Variants in ADCY1 observed in about 807,000 individuals in gnomAD.
ADCY1 encodes the protein adenylate cyclase type 1.
In ADCY1, 28 loss-of-function variants were observed where a neutral mutation model predicts 105.4. The ratio of observed to expected loss-of-function variants is 0.27; its 90% CI spans 0.20 to 0.36. The LOEUF is 0.36. Among genes scored for constraint, ADCY1 ranks in the 10% least tolerant of loss-of-function variants. ADCY1 has a pLI of 1.00. For synonymous variants in ADCY1, 655 were observed against 623.8 expected, an observed-to-expected ratio of 1.05 and a Z score of -0.75; for missense variants, 977 against 1,434.2, an observed-to-expected ratio of 0.68 and a Z score of 5.15.
intron 8 of ADCY1, among the ~76,000 whole-genome samples, 155 bp from the exon 9 acceptor site, chr7:45,677,714 C>T (rs1160699408): frequency 6.6e-6 from 1 of 152,218 alleles, no homozygotes; most frequent in African/African-American, 2.4e-5. Flanking sequence ...CACCTGCCAT[C>T]TCACCACCAG....
Position 45,627,305 on chromosome 7 carries a change from G to A in ADCY1, c.1020+4562G>A, listed in dbSNP as rs146383971. Among the ~76,000 whole-genome samples the A allele has an allele frequency of 1.7e-3, 259 of 152,262 alleles. 1 individual carries two copies. Among genetic ancestry groups the A allele is most frequent in the African/African-American group, 6.0e-3 (248 of 41,562 alleles). ...CTACTCATCCTTGAAAGCCCCAAAG[G>A]CCATCTTTTCTCTAGGTCTCTGCCC... On this transcript the variant is annotated intron_variant, in intron 4 of 19. Coordinates refer to ENST00000297323, the MANE Select transcript of ADCY1 (RefSeq NM_021116.4).
chr7:45,617,960 C>T (rs1246853145), intron 3 of ADCY1, among the ~76,000 whole-genome samples: 1 of 152,218 alleles, frequency 6.6e-6, no homozygotes, highest in African/African-American at 2.4e-5. Flanking sequence ...GGAGGCATTA[C>T]ATTACCTGGC....
intron 4 of ADCY1, among the ~76,000 whole-genome samples, chr7:45,631,932 T>C (rs1049230482): frequency 6.6e-6 from 1 of 152,240 alleles, no homozygotes; most frequent in Non-Finnish European, 1.5e-5. Flanking sequence ...AGGGGTTTTA[T>C]AGTTTGAGGT....
rs369945933 is a variant in ADCY1, at chr7:45,714,166, C to T, written c.*171C>T. 3.8e-5 allele frequency: 23 copies of T among 598,498 alleles called. No homozygotes were observed. The highest frequency in any genetic ancestry group is 6.1e-5 in the South Asian group (3 of 49,548). The allele number at this position is 598,498 out of a possible 1,614,324, so 37.1% of individuals were successfully genotyped here. On this transcript the variant is annotated 3_prime_UTR_variant, in exon 20 of 20. Coordinates refer to ENST00000297323, the MANE Select transcript of ADCY1 (RefSeq NM_021116.4). The stretch of plus-strand genomic sequence containing the variant: ...GGCCTGTGGCCCGAGGGCCAACCAC[C>T]GAGCAGGCACAGCACAGCAGTGACT...
intron 7 of ADCY1, among the ~76,000 whole-genome samples, chr7:45,660,732 T>G (rs2461133): frequency 7.3e-6 from 1 of 137,838 alleles, no homozygotes; most frequent in Non-Finnish European, 1.6e-5. Flanking sequence ...ACAGGTGAGG[T>G]GTTCAGGGCT....
rs1226785340 is a variant in ADCY1 at position 45,649,961 on chromosome 7, C to CA, written c.1148+1165dup. Reference sequence around the variant, plus strand: ...ACAGCCTAACAGAGAGCCATTGCCCCAGAGAAAAGCAGCCTGGCTGGAGGA... The same window carrying CA: ...ACAGCCTAACAGAGAGCCATTGCCCCAAGAGAAAAGCAGCCTGGCTGGAGGA... On this transcript the variant is annotated intron_variant, in intron 5 of 19. Coordinates refer to ENST00000297323, the MANE Select transcript of ADCY1 (RefSeq NM_021116.4). Among the ~76,000 whole-genome samples, 18 of 152,252 alleles carry CA rather than the reference C, an allele frequency of 1.2e-4. 1 individual carries two copies. In the South Asian group the frequency reaches 3.1e-3, roughly 26 times the overall value.
rs1562737605 is a variant in ADCY1 at position 45,714,622 on chromosome 7, CT to C, written c.*628del. 1 of 152,800 alleles carries C rather than the reference CT, an allele frequency of 6.5e-6. No homozygotes were observed. The highest frequency in any genetic ancestry group is 2.4e-5 in the African/African-American group (1 of 41,468). The allele number at this position is 152,800 out of a possible 1,614,324, so 9.5% of individuals were successfully genotyped here. A position where few individuals can be genotyped will look rare whatever the true frequency, so the allele number is the denominator to read the frequency against. On this transcript the variant is annotated 3_prime_UTR_variant, in exon 20 of 20. Coordinates refer to ENST00000297323, the MANE Select transcript of ADCY1 (RefSeq NM_021116.4). ...TCTGGGGAGAATTGAGAAGCTGCCT[CT>C]CACTGCATGGATAGTGGTGGCTGCT... is the stretch of plus-strand genomic sequence containing the variant.
At chr7:45,652,029 T>TG (rs1794824533) in intron 5 of ADCY1, among the ~76,000 whole-genome samples, 1 of 152,202 alleles carries the variant, frequency 6.6e-6, no homozygotes, top group Non-Finnish European at 1.5e-5. Flanking sequence ...GAGGCATGGC[T>TG]GGGAGGCCTC....
chr7:45,648,844 A>C (rs763616744), intron 5 of ADCY1, 47 bp downstream of exon 5: 4 of 1,601,384 alleles, frequency 2.5e-6, no homozygotes, highest in Non-Finnish European at 3.4e-6. Context: ...GCATCTACAC[A>C]TTGAAATCCT....
At chr7:45,599,946 C>G (rs11762524) in intron 2 of ADCY1, among the ~76,000 whole-genome samples, 36,979 of 152,238 alleles carry the variant, frequency 0.24, 5,398 homozygotes, top group East Asian at 0.48. Context: ...TGTCTTTTTC[C>G]TACTTTGTTT....
At chr7:45,612,722 C>T (rs1350960997) in intron 3 of ADCY1, among the ~76,000 whole-genome samples, 2 of 152,344 alleles carry the variant, frequency 1.3e-5, no homozygotes, top group Non-Finnish European at 2.9e-5. Flanking sequence ...AGTGTGACCA[C>T]TGCCCCAACT....
intron 17 of ADCY1, among the ~76,000 whole-genome samples, 153 bp downstream of exon 17, chr7:45,704,769 CT>C (rs1785076979): frequency 6.6e-6 from 1 of 152,134 alleles, no homozygotes; most frequent in Non-Finnish European, 1.5e-5. Flanking sequence ...CCGTGGCTGG[CT>C]CTCTCCAGAC....
At position 45,673,692 on chromosome 7, in the gene ADCY1, T is replaced by C. The variant is rs114090230; in HGVS notation, c.1606-4177T>C. Among the ~76,000 whole-genome samples, 932 of 152,102 alleles carry C rather than the reference T, an allele frequency of 6.1e-3. 9 individuals carry two copies. The highest frequency in any genetic ancestry group is 0.022 in the African/African-American group (897 of 41,550). ...GGCTTGCAGTGATTTGCCAACTTGA[T>C]TGATAATTTTCAAAGAACCAACTTT... On this transcript the variant is annotated intron_variant, in intron 8 of 19. Transcript: ENST00000297323.
chr7:45,610,736 G>A (rs1288401109), intron 3 of ADCY1, among the ~76,000 whole-genome samples: 15 of 101,154 alleles, frequency 1.5e-4, no homozygotes, highest in East Asian at 5.9e-4. Context: ...GATAGTGGAG[G>A]TGGGGAGGTG....
chr7:45,666,433 G>A (rs901685971), intron 8 of ADCY1, among the ~76,000 whole-genome samples: 30 of 152,258 alleles, frequency 2.0e-4, no homozygotes, highest in Admixed American at 9.8e-4. Flanking sequence ...ATGGTTTCCA[G>A]CTTCATCCAT....
chr7:45,629,913 G>A (rs7809900), intron 4 of ADCY1, among the ~76,000 whole-genome samples: 61,231 of 152,094 alleles, frequency 0.4, 12,761 homozygotes, highest in East Asian at 0.71. Context: ...CAGTTGCTCC[G>A]CATCCTCATC....
intron 5 of ADCY1, among the ~76,000 whole-genome samples, chr7:45,650,869 GGCCTGGAGCT>G (rs760163706): frequency 8.0e-4 from 122 of 152,254 alleles, no homozygotes; most frequent in Admixed American, 6.5e-4. Flanking sequence ...TTCTGCACCT[GGCCTGGAGCT>G]GCCTGGAGCT....
chr7:45,589,731 C>T (rs915010895), intron 1 of ADCY1, among the ~76,000 whole-genome samples: 2 of 152,046 alleles, frequency 1.3e-5, no homozygotes, highest in African/African-American at 2.4e-5. Context: ...GCAGATGACA[C>T]CCAGCCCTAC....
At chr7:45,667,000 T>G (rs1784274870) in intron 8 of ADCY1, among the ~76,000 whole-genome samples, 1 of 152,252 alleles carries the variant, frequency 6.6e-6, no homozygotes, top group African/African-American at 2.4e-5. Context: ...GTAAATTTAT[T>G]TGAGTTCTTT....
Sources: allele counts gnomAD v4.1 joint callset (sites outside exome capture counted in the v4.1 genomes callset), GRCh38; gene constraint gnomAD v4.1.1; transcripts MANE v1.5; gene names NCBI Gene and HGNC (gene_info 2026-07-23, HGNC 2026-07-21).